The following CLASRP variants were observed in gnomAD, a reference collection of about 807,000 sequenced individuals.
The protein encoded by CLASRP is CLK4-associating serine/arginine rich protein.
Under a neutral mutation model 99.9 loss-of-function variants are expected in CLASRP, and 52 were observed. The ratio of observed to expected loss-of-function variants is 0.52; its 90% confidence interval spans 0.42 to 0.66. The LOEUF (loss-of-function observed/expected upper bound fraction) is 0.66, where lower values mean the gene tolerates loss of function less well. Ranked by LOEUF, CLASRP falls within the 30% of genes least tolerant of loss-of-function variation. CLASRP has a pLI of 0.00. For missense variants in CLASRP, 848 were observed against 999.2 expected (o/e 0.85, Z 2.04); for synonymous variants, 379 against 373.0 (o/e 1.02, Z -0.18).
intron 13 of CLASRP, among the ~76,000 whole-genome samples, chr19:45,065,381 TC>T (rs1967060353): frequency 7.3e-6 from 1 of 136,642 alleles, no homozygotes; most frequent in Non-Finnish European, 1.6e-5. Flanking sequence ...AGAGTGAGAT[TC>T]CGTCTCAAAA....
chr19:45,042,296 A>G (rs917647048), intron 2 of CLASRP, among the ~76,000 whole-genome samples: 2 of 152,124 alleles, frequency 1.3e-5, no homozygotes, highest in African/African-American at 4.8e-5. Flanking sequence ...GTGCTTTAGA[A>G]AGGCCTCCTG....
At chr19:45,059,037 C>T (rs990578809) in intron 7 of CLASRP, among the ~76,000 whole-genome samples, 1 of 152,136 alleles carries the variant, frequency 6.6e-6, no homozygotes, top group African/African-American at 2.4e-5. Flanking sequence ...TTCATCTGCC[C>T]CTTCAAGCCC....
rs774293291 is a variant in CLASRP at position 45,052,871 on chromosome 19, C to T, written c.278C>T (p.Thr93Ile). The T allele has an allele frequency of 1.9e-6, 3 of 1,608,372 alleles. No individual in the cohort carries two copies. Among genetic ancestry groups the T allele is most frequent in the Non-Finnish European group, 2.5e-6 (3 of 1,177,284 alleles). ...RAHLDHIPDY[T>I]PPLLTTISPE... ...CACCTGGACCACATCCCCGACTACA[C>T]CCCCCCTCTGCTCACCACCATGTAA... The change falls in exon 4 of 21, where the codon ACC becomes ATC. Residue 93 changes from threonine to isoleucine, a missense_variant. Physicochemically the swap from Thr to Ile is moderately conservative, Grantham distance 89. Around this residue, in one of 8 missense-constraint regions of CLASRP, gnomAD observed 54 missense variants for 38.7 expected, o/e 1.39. Transcript: ENST00000221455.
chr19:45,053,142 G>A lies in CLASRP; in HGVS notation c.344G>A (p.Arg115His). The part of the protein sequence containing the change: ...ESDERKCNYE[R>H]YRGLVQNDFA... Reference sequence around the variant, plus strand: ...GACGAACGGAAGTGTAACTACGAGCGCTACAGAGGCCTGGTGCAGAACGAC... The same window carrying A: ...GACGAACGGAAGTGTAACTACGAGCACTACAGAGGCCTGGTGCAGAACGAC... The change falls in exon 5 of 21, where the codon CGC becomes CAC. Residue 115 changes from arginine (R) to histidine (H), a missense_variant. Around this residue, in one of 8 missense-constraint regions of CLASRP, gnomAD observed 54 missense variants for 38.7 expected, o/e 1.39. Transcript: ENST00000221455. 3 of 1,614,060 alleles carry A rather than the reference G, an allele frequency of 1.9e-6. No homozygotes were observed. The highest frequency in any genetic ancestry group is 2.5e-6 in the Non-Finnish European group (3 of 1,180,016).
intron 2 of CLASRP, chr19:45,047,403 C>T (rs1971939092): frequency 7.8e-6 from 1 of 128,596 alleles, no homozygotes; most frequent in Admixed American, 8.5e-5. Context: ...CAGAGCAAGA[C>T]TCCATCTCAA....
At chr19:45,042,892 C>T (rs1383560492) in intron 2 of CLASRP, among the ~76,000 whole-genome samples, 1 of 152,178 alleles carries the variant, frequency 6.6e-6, no homozygotes, top group Non-Finnish European at 1.5e-5. Context: ...GCTGGGATTA[C>T]AGGCGTGAGC....
intron 10 of CLASRP, among the ~76,000 whole-genome samples, chr19:45,061,583 C>G (rs1966939951): frequency 6.6e-6 from 1 of 152,140 alleles, no homozygotes; most frequent in Non-Finnish European, 1.5e-5. Context: ...ATCCTCCTAC[C>G]TCAGTCTCCT....
rs1471711065 is a variant in CLASRP at position 45,067,351 on chromosome 19, CAG to C, written c.1425_1426del (p.Asp477ProfsTer15). Reference sequence around the variant, plus strand: ...TGCATCCCCAGGAGCCGCTCCCACTCAGGGGACCGCTACAGGCGGGGCGGCCG... The same window carrying C: ...TGCATCCCCAGGAGCCGCTCCCACTCGGGACCGCTACAGGCGGGGCGGCCG... On this transcript the variant is annotated frameshift_variant, in exon 14 of 21. Coordinates refer to ENST00000221455, the MANE Select transcript of CLASRP (RefSeq NM_007056.3). LOFTEE classifies it high-confidence loss of function. This position sits in a 1 kb window ranked among gnomAD's most constrained non-coding sequence, Gnocchi z 4.9. The C allele has an allele frequency of 7.2e-6, 11 of 1,520,224 alleles. No homozygotes were observed. The highest frequency in any genetic ancestry group is 2.0e-5 in the Admixed American group (1 of 48,874). The allele number at this position is 1,520,224 out of a possible 1,614,324, so 94.2% of individuals were successfully genotyped here.
In CLASRP at chr19:45,062,159, C is replaced by A; in HGVS notation, c.869C>A (p.Ala290Asp). The change falls in exon 11 of 21, where the codon GCC (alanine) becomes GAC (aspartate). Residue 290 changes from alanine to aspartate, a missense_variant. Around this residue, in one of 8 missense-constraint regions of CLASRP, gnomAD observed 489 missense variants for 434.7 expected, o/e 1.12. Coordinates refer to ENST00000221455, the MANE Select transcript of CLASRP (RefSeq NM_007056.3). Reference protein sequence around the residue: ...RGRKISPPSYARRDSPTYDPY... With the variant: ...RGRKISPPSYDRRDSPTYDPY... Reference sequence around the variant, plus strand: ...CCCCATTCTTTTCTCTGTAGCTATGCCCGCCGAGACAGCCCCACCTATGAC... The same window carrying A: ...CCCCATTCTTTTCTCTGTAGCTATGACCGCCGAGACAGCCCCACCTATGAC... 1 of 1,537,308 alleles carries A rather than the reference C, an allele frequency of 6.5e-7. No homozygotes were observed. The highest frequency in any genetic ancestry group is 9.0e-7 in the Non-Finnish European group (1 of 1,110,286).
Position 45,055,773 on chromosome 19 carries a change from C to T in CLASRP, c.380-677C>T, listed in dbSNP as rs1031583243. On this transcript the variant is annotated intron_variant, in intron 5 of 20. Coordinates refer to ENST00000221455, the MANE Select transcript of CLASRP (RefSeq NM_007056.3). ...GCTTGAACCTGGGAGGCGGAGGTTG[C>T]GGTGAGCCAAGATCGCGCCATTGCA... 9.2e-5 allele frequency among the ~76,000 whole-genome samples: 14 copies of T among 152,044 alleles called. No individual in the cohort carries two copies. The East Asian group carries it at 2.5e-3, about 27-fold the overall frequency.
chr19:45,066,814 T>C (rs1246197401), intron 13 of CLASRP, among the ~76,000 whole-genome samples: 1 of 151,544 alleles, frequency 6.6e-6, no homozygotes, highest in African/African-American at 2.4e-5. Flanking sequence ...GTCCCACCAG[T>C]GTCCTGAGCA....
chr19:45,058,045 CT>C (rs1972155011), intron 7 of CLASRP, 147 bp downstream of exon 7: 3 of 937,686 alleles, frequency 3.2e-6, no homozygotes, highest in Non-Finnish European at 4.8e-6. Context: ...CCTGCTGCCC[CT>C]GTCTCACTCC....
intron 7 of CLASRP, chr19:45,058,124 T>C: frequency 1.7e-6 from 1 of 578,832 alleles, no homozygotes. Flanking sequence ...ATTTCTATGA[T>C]CTTTTCCCCT....
At chr19:45,041,508 T>C (rs1160602110) in intron 2 of CLASRP, among the ~76,000 whole-genome samples, 4 of 152,198 alleles carry the variant, frequency 2.6e-5, no homozygotes, top group African/African-American at 9.7e-5. Context: ...GCACCTGTTT[T>C]CTAGGTTCAG....
rs146055773 is a variant in CLASRP at position 45,054,806 on chromosome 19, G to C, written c.379+1629G>C. 3.8e-3 allele frequency among the ~76,000 whole-genome samples: 586 copies of C among 152,260 alleles called. 11 individuals carry two copies. Among genetic ancestry groups the C allele is most frequent in the Admixed American group, 0.029 (437 of 15,282 alleles). On this transcript the variant is annotated intron_variant, in intron 5 of 20. Coordinates refer to ENST00000221455, the MANE Select transcript of CLASRP (RefSeq NM_007056.3). ...AGGGTGGTGGTGTTGATTTTGTTGC[G>C]TGGGGTGGTTGTAAGAGTTGAGTGA...
At chr19:45,053,303 A>G in intron 5 of CLASRP, 126 bp downstream of exon 5, 10 of 852,014 alleles carry the variant, frequency 1.2e-5, no homozygotes, top group Non-Finnish European at 1.9e-5. Flanking sequence ...TTCCGGCTCC[A>G]GCTCTACGAT....
In CLASRP at chr19:45,066,483, T is replaced by C. The variant is rs190416975; in HGVS notation, c.1410-854T>C. On this transcript the variant is annotated intron_variant, in intron 13 of 20. Transcript: ENST00000221455. The stretch of plus-strand genomic sequence containing the variant: ...AAACGCAATTCAAAAATTAGCCGGG[T>C]GTGGTTGTGCACATCTGTAATCCCA... Among the ~76,000 whole-genome samples, 545 of 151,094 alleles carry C rather than the reference T, an allele frequency of 3.6e-3. 2 individuals are homozygous for C. The highest frequency in any genetic ancestry group is 0.013 in the African/African-American group (517 of 41,218).
chr19:45,052,217 A>G (rs749360245), intron 3 of CLASRP, 49 bp downstream of exon 3: 6 of 1,512,406 alleles, frequency 4.0e-6, no homozygotes, highest in African/African-American at 1.4e-5. Context: ...TGGGAGTCAA[A>G]ACGGACCTGG....
At chr19:45,039,238 T>C (rs1261046673) in intron 1 of CLASRP, 130 bp downstream of exon 1, 1 of 151,748 alleles carries the variant, frequency 6.6e-6, no homozygotes, top group Non-Finnish European at 1.5e-5. Context: ...CGCTCGTCCC[T>C]CACCCCATTA....
Sources: gnomAD v4.1 joint callset for allele counts (sites outside exome capture counted in the v4.1 genomes callset) on GRCh38, gnomAD v4.1.1 for gene constraint, gnomAD v4.1.1 regional missense constraint, Gnocchi (gnomAD v3.1) non-coding constraint, MANE v1.5 for transcripts, NCBI Gene and HGNC (gene_info 2026-07-23, HGNC 2026-07-21) for gene names.